CD99L2: variants seen among roughly 807,000 people sequenced by gnomAD.
CD99L2 encodes the protein CD99 molecule like 2, also known as CD99 antigen-like protein 2.
CD99L2 carries 24 observed loss-of-function variants against 27.3 expected under a neutral mutation model. The observed-to-expected ratio is 0.88, with a 90% CI of 0.64 to 1.24. The LOEUF (loss-of-function observed/expected upper bound fraction) is 1.24, where lower values mean the gene tolerates loss of function less well. Among genes scored for constraint, CD99L2 ranks in the 50% most tolerant of loss-of-function variants. CD99L2 has a pLI of 0.00. For missense variants in CD99L2, 255 were observed against 221.6 expected, an observed-to-expected ratio of 1.15 and a Z score of -0.96; for synonymous variants, 97 against 87.9, an observed-to-expected ratio of 1.10 and a Z score of -0.58.
intron 9 of CD99L2, among the ~76,000 whole-genome samples, chrX:150,775,971 T>A (rs1557419242): frequency 8.9e-6 from 1 of 112,295 alleles, no homozygotes; most frequent in East Asian, 2.8e-4. Context: ...CCCCACGCGC[T>A]CTTGCAGGGT....
At chrX:150,860,046 AT>A (rs1174211915) in intron 1 of CD99L2, among the ~76,000 whole-genome samples, 2 of 111,535 alleles carry the variant, frequency 1.8e-5, no homozygotes, top group African/African-American at 6.5e-5. Context: ...CTACAGGCCA[AT>A]ATCCCTGATG....
intron 2 of CD99L2, chrX:150,829,197 T>C (rs887997450): frequency 5.6e-5 from 8 of 141,880 alleles, no homozygotes; most frequent in Non-Finnish European, 9.6e-5. Flanking sequence ...TGCGCACATA[T>C]ATGTATGTGT....
intron 2 of CD99L2, among the ~76,000 whole-genome samples, chrX:150,818,059 TTTTA>T (rs1325239585): frequency 3.0e-4 from 33 of 109,774 alleles, no homozygotes; most frequent in Non-Finnish European, 7.6e-5. Flanking sequence ...GACATAATAA[TTTTA>T]AATATATATG....
At chrX:150,863,914 T>C (rs1349547787) in intron 1 of CD99L2, among the ~76,000 whole-genome samples, 1 of 111,947 alleles carries the variant, frequency 8.9e-6, no homozygotes, top group Admixed American at 9.5e-5. Context: ...CAGGGACTGA[T>C]GGCCACCACC....
At chrX:150,802,031 G>A (rs1373058560) in intron 4 of CD99L2, among the ~76,000 whole-genome samples, 1 of 111,685 alleles carries the variant, frequency 9.0e-6, no homozygotes, top group Non-Finnish European at 1.9e-5. Context: ...ATTTAATATG[G>A]TACTGAAATG....
chrX:150,847,684 T>C (rs1557421493), intron 1 of CD99L2, among the ~76,000 whole-genome samples: 2 of 110,416 alleles, frequency 1.8e-5, no homozygotes, highest in African/African-American at 6.6e-5. Flanking sequence ...TGCCAAGCCC[T>C]GGCTCTCCAA....
chrX:150,835,943 A>G (rs142346904), intron 1 of CD99L2, among the ~76,000 whole-genome samples: 1,170 of 111,047 alleles, frequency 0.011, 20 homozygotes, highest in African/African-American at 0.036. Flanking sequence ...TACTTTGTCA[A>G]TCCAGGGTAC....
At position 150,768,491 on chromosome X, in the gene CD99L2, G is replaced by A. The variant is rs2043348647; in HGVS notation, c.*543C>T. On this transcript the variant is annotated 3_prime_UTR_variant, in exon 11 of 11. Transcript: ENST00000370377. ...AGACTGAAGTGAAACCATCATCCTG[G>A]GTGCTGCGTGTGTGTGGTGTTACTT... is the stretch of plus-strand genomic sequence containing the variant. The A allele has an allele frequency of 8.8e-6, 1 of 113,527 alleles. No homozygotes were observed. Among genetic ancestry groups the A allele is most frequent in the South Asian group, 3.6e-4 (1 of 2,763 alleles). 9.4% of individuals were successfully genotyped at this position (113,527 alleles called of 1,213,427 possible).
At chrX:150,783,054 G>A (rs1895980403) in intron 7 of CD99L2, among the ~76,000 whole-genome samples, 4 of 107,156 alleles carry the variant, frequency 3.7e-5, no homozygotes, top group African/African-American at 6.8e-5. Flanking sequence ...ATGCTGGTGC[G>A]TGCTACAACA....
intron 4 of CD99L2, among the ~76,000 whole-genome samples, chrX:150,805,005 G>A (rs1479970270): frequency 8.9e-6 from 1 of 111,746 alleles, no homozygotes; most frequent in African/African-American, 3.3e-5. Context: ...AGGCAACATG[G>A]TGAGACCCTG....
Position 150,834,139 on chromosome X carries a change from T to G in CD99L2, c.68-2846A>C, listed in dbSNP as rs184816219. 1.4e-3 allele frequency among the ~76,000 whole-genome samples: 162 copies of G among 111,852 alleles called. 1 individual carries two copies. The highest frequency in any genetic ancestry group is 5.2e-3 in the African/African-American group (159 of 30,846). On this transcript the variant is annotated intron_variant, in intron 1 of 10. Coordinates refer to ENST00000370377, the MANE Select transcript of CD99L2 (RefSeq NM_031462.4). The stretch of plus-strand genomic sequence containing the variant: ...AGCTTCTCAAAAGAAGAGATATGAA[T>G]GGTCAACGGGTATATGAAAAAATGC...
At chrX:150,818,201 G>GATAT (rs368100797) in intron 2 of CD99L2, among the ~76,000 whole-genome samples, 2,671 of 85,951 alleles carry the variant, frequency 0.031, 113 homozygotes, top group Non-Finnish European at 0.044. Context: ...CAAGTAGGCA[G>GATAT]ATATATATAT....
intron 1 of CD99L2, among the ~76,000 whole-genome samples, chrX:150,869,525 G>A (rs1199928271): frequency 8.9e-6 from 1 of 112,125 alleles, no homozygotes; most frequent in Non-Finnish European, 1.9e-5. Context: ...TTCGGTATGT[G>A]TGTGATTGTG....
chrX:150,773,084 T>C (rs1478022678), intron 9 of CD99L2, among the ~76,000 whole-genome samples: 4 of 112,812 alleles, frequency 3.5e-5, no homozygotes, highest in Non-Finnish European at 7.5e-5. Flanking sequence ...AGATGTTCAC[T>C]TTGTGCTTTG....
At chrX:150,827,152 C>A (rs1484216157) in intron 2 of CD99L2, among the ~76,000 whole-genome samples, 1 of 110,888 alleles carries the variant, frequency 9.0e-6, no homozygotes, top group Non-Finnish European at 1.9e-5. Context: ...ATTTACGATA[C>A]AATCTCTGGC....
intron 4 of CD99L2, among the ~76,000 whole-genome samples, chrX:150,814,098 C>T (rs1436571547): frequency 2.7e-5 from 3 of 111,704 alleles, no homozygotes; most frequent in Non-Finnish European, 3.8e-5. Context: ...CTTGGAAGCT[C>T]GAAAAACCTC....
At chrX:150,892,905 C>T (rs1351836778) in intron 1 of CD99L2, among the ~76,000 whole-genome samples, 1 of 111,152 alleles carries the variant, frequency 9.0e-6, no homozygotes, top group Non-Finnish European at 1.9e-5. Context: ...GTGGAACACC[C>T]GAGGTCAGGA....
At chrX:150,894,633 G>A (rs1046708669) in intron 1 of CD99L2, among the ~76,000 whole-genome samples, 4 of 110,115 alleles carry the variant, frequency 3.6e-5, no homozygotes, top group Non-Finnish European at 7.6e-5. Context: ...TGTCACCCAG[G>A]CTGAAGTGCA....
At chrX:150,771,372 G>C (rs913015000) in intron 9 of CD99L2, among the ~76,000 whole-genome samples, 6 of 112,704 alleles carry the variant, frequency 5.3e-5, no homozygotes, top group Non-Finnish European at 9.4e-5. Context: ...CGCAGAGCGG[G>C]GCAGGTGATG....
Sources: gnomAD v4.1 joint callset for allele counts (sites outside exome capture counted in the v4.1 genomes callset) on GRCh38, gnomAD v4.1.1 for gene constraint, MANE v1.5 for transcripts, NCBI Gene and HGNC (gene_info 2026-07-23, HGNC 2026-07-21) for gene names.